Variants in CSMD1 observed in about 807,000 individuals in gnomAD.
The protein encoded by CSMD1 is CUB and Sushi multiple domains 1.
CSMD1 carries 213 observed loss-of-function variants against 417.5 expected under a neutral mutation model. The observed-to-expected ratio is 0.51, with a 90% CI of 0.46 to 0.57. The LOEUF (loss-of-function observed/expected upper bound fraction) is 0.57, where lower values mean the gene tolerates loss of function less well. Ranked by LOEUF, CSMD1 falls within the 20% of genes least tolerant of loss-of-function variation. CSMD1 has a pLI of 0.00. For missense variants in CSMD1, 6,923 were observed against 4,529.7 expected, an observed-to-expected ratio of 1.53 and a Z score of -15.17; for synonymous variants, 2,862 against 1,736.8, an observed-to-expected ratio of 1.65 and a Z score of -16.11.
intron 48 of CSMD1, among the ~76,000 whole-genome samples, chr8:3,090,252 G>A (rs1010832022): frequency 7.0e-6 from 1 of 142,834 alleles, no homozygotes; most frequent in Non-Finnish European, 1.5e-5. Context: ...GGGAGGCGGA[G>A]CTTGCAGTGA....
intron 10 of CSMD1, among the ~76,000 whole-genome samples, chr8:3,538,688 A>G (rs1043446340): frequency 6.6e-6 from 1 of 152,224 alleles, no homozygotes; most frequent in African/African-American, 2.4e-5. Flanking sequence ...GCAACGTGGC[A>G]TGGCCTGCCA....
chr8:3,892,723 T>TG (rs1807067154), intron 5 of CSMD1, among the ~76,000 whole-genome samples: 2 of 149,556 alleles, frequency 1.3e-5, no homozygotes, highest in African/African-American at 5.0e-5. Context: ...AGGTTTTTTT[T>TG]TTTTTTTTTT....
At chr8:3,423,747 C>T (rs1813645878) in intron 12 of CSMD1, among the ~76,000 whole-genome samples, 1 of 152,128 alleles carries the variant, frequency 6.6e-6, no homozygotes, top group African/African-American at 2.4e-5. Context: ...CTCGGGTGAA[C>T]ACTTAGGGGT....
rs117573133 is a variant in CSMD1, at chr8:3,188,849, C to G, written c.5523+38G>C. The G allele has an allele frequency of 6.2e-3, 9,124 of 1,461,914 alleles. 48 individuals carry two copies. The highest frequency in any genetic ancestry group is 7.7e-3 in the Non-Finnish European group (8,482 of 1,095,850). The allele number at this position is 1,461,914 out of a possible 1,614,324, so 90.6% of individuals were successfully genotyped here. A position where few individuals can be genotyped will look rare whatever the true frequency, so the allele number is the denominator to read the frequency against. ...AAAGAAAGAAGCCCATGGACCCCAG[C>G]TGAGCCCTGTTGTAGACTGTGGACT... On this transcript the variant is annotated intron_variant, in intron 35 of 69. Transcript: ENST00000635120.
intron 41 of CSMD1, among the ~76,000 whole-genome samples, chr8:3,133,599 G>T (rs369767734): frequency 2.8e-4 from 43 of 152,270 alleles, no homozygotes; most frequent in African/African-American, 9.9e-4. Flanking sequence ...CCTATGGCTG[G>T]GCTTTAGGGC....
rs547585020 is a variant in CSMD1 at position 4,382,544 on chromosome 8, A to G, written c.415+37409T>C. On this transcript the variant is annotated intron_variant, in intron 3 of 69. Coordinates refer to ENST00000635120, the MANE Select transcript of CSMD1 (RefSeq NM_033225.6). The stretch of plus-strand genomic sequence containing the variant: ...AACTGTATTGCAAAAAGGATTATAA[A>G]AAACCCTCTGAGTATAAGCATTCCT... Among the ~76,000 whole-genome samples, 9 of 152,352 alleles carry G rather than the reference A, an allele frequency of 5.9e-5. No individual in the cohort carries two copies. In the East Asian group the frequency reaches 9.6e-4, roughly 16 times the overall value.
intron 3 of CSMD1, among the ~76,000 whole-genome samples, chr8:4,080,542 T>G (rs1000100669): frequency 6.6e-6 from 1 of 152,184 alleles, no homozygotes; most frequent in Admixed American, 6.5e-5. Flanking sequence ...GTCCAACACA[T>G]AGGTTTCTCC....
chr8:3,244,907 G>C (rs1799781073), intron 26 of CSMD1, among the ~76,000 whole-genome samples: 1 of 152,148 alleles, frequency 6.6e-6, no homozygotes, highest in South Asian at 2.1e-4. Flanking sequence ...CCACCCCAAG[G>C]GCGCTGAGAA....
chr8:4,181,434 TG>T (rs1430500572), intron 3 of CSMD1, among the ~76,000 whole-genome samples: 1 of 152,004 alleles, frequency 6.6e-6, no homozygotes, highest in Non-Finnish European at 1.5e-5. Flanking sequence ...TGGGCAACAT[TG>T]GAAAAAGAAC....
intron 26 of CSMD1, among the ~76,000 whole-genome samples, chr8:3,276,696 A>G (rs963251171): frequency 6.6e-6 from 1 of 152,174 alleles, no homozygotes; most frequent in Admixed American, 6.5e-5. Context: ...AGGCTTTACT[A>G]TGAAAATTTT....
Position 2,937,818 on chromosome 8 carries a change from T to C in CSMD1, c.*767A>G, listed in dbSNP as rs568378657. ...CACTCCAACTAAGCTGATGGGGGAA[T>C]GTTTAGCTTGATAATATGAAATAAT... On this transcript the variant is annotated 3_prime_UTR_variant, in exon 70 of 70. Transcript: ENST00000635120. 7 of 152,694 alleles carry C rather than the reference T, an allele frequency of 4.6e-5. No homozygotes were observed. Among genetic ancestry groups the C allele is most frequent in the African/African-American group, 1.4e-4 (6 of 41,474 alleles). 9.5% of individuals were successfully genotyped at this position (152,694 alleles called of 1,614,324 possible).
At chr8:3,559,944 C>T (rs886289389) in intron 10 of CSMD1, among the ~76,000 whole-genome samples, 2 of 152,040 alleles carry the variant, frequency 1.3e-5, no homozygotes, top group Admixed American at 6.6e-5. Context: ...CTGGAGGTGA[C>T]AGAGGAGGAA....
At chr8:3,135,854 T>C (rs930112602) in intron 41 of CSMD1, among the ~76,000 whole-genome samples, 2 of 152,106 alleles carry the variant, frequency 1.3e-5, no homozygotes, top group East Asian at 3.9e-4. Flanking sequence ...CAGGGTCCTG[T>C]CCTTGCTGAG....
chr8:4,909,992 T>G (rs1805556567), intron 1 of CSMD1, among the ~76,000 whole-genome samples: 1 of 152,212 alleles, frequency 6.6e-6, no homozygotes, highest in African/African-American at 2.4e-5. Flanking sequence ...TTTCTAAACT[T>G]TATCAATGAT....
chr8:4,912,150 G>C (rs866211190), intron 1 of CSMD1, among the ~76,000 whole-genome samples: 1 of 80,308 alleles, frequency 1.2e-5, no homozygotes, highest in African/African-American at 3.9e-5. Context: ...AAGAAAGAAA[G>C]AAAAGAAAAG....
At chr8:4,732,406 A>T (rs1479835979) in intron 1 of CSMD1, among the ~76,000 whole-genome samples, 1 of 143,806 alleles carries the variant, frequency 7.0e-6, no homozygotes, top group African/African-American at 2.6e-5. Context: ...TGAGATTCTC[A>T]CTCTGGACAT....
At chr8:3,228,576 T>A (rs1563163032) in intron 27 of CSMD1, among the ~76,000 whole-genome samples, 1 of 152,218 alleles carries the variant, frequency 6.6e-6, no homozygotes, top group African/African-American at 2.4e-5. Flanking sequence ...CGTATTGGAC[T>A]ACCTAGTGGC....
In CSMD1 at chr8:3,082,305, G is replaced by C. The variant is rs139802906; in HGVS notation, c.7474+4792C>G. On this transcript the variant is annotated intron_variant, in intron 49 of 69. Transcript: ENST00000635120. ...CTCTTTTGCTCTTTAACGGAGTCTCGTCAAGCAAGGACAAAAGCTGAAAGC... is the reference window on the plus strand; with the variant it reads ...CTCTTTTGCTCTTTAACGGAGTCTCCTCAAGCAAGGACAAAAGCTGAAAGC... Among the ~76,000 whole-genome samples, 475 of 152,246 alleles carry C rather than the reference G, an allele frequency of 3.1e-3. 3 individuals carry two copies. Among genetic ancestry groups the C allele is most frequent in the African/African-American group, 0.011 (455 of 41,536 alleles).
In CSMD1 at chr8:4,022,995, C is replaced by T. The variant is rs1796866296; in HGVS notation, c.610+8910G>A. ...AAATAGCAGTATGGCAAAGATGGGACAGTCTTTTACCAAATCCGTGTTTTT... is the reference window on the plus strand; with the variant it reads ...AAATAGCAGTATGGCAAAGATGGGATAGTCTTTTACCAAATCCGTGTTTTT... On this transcript the variant is annotated intron_variant, in intron 4 of 69. Coordinates refer to ENST00000635120, the MANE Select transcript of CSMD1 (RefSeq NM_033225.6). Among the ~76,000 whole-genome samples the T allele has an allele frequency of 2.0e-5, 3 of 152,180 alleles. No individual in the cohort carries two copies. The South Asian group carries it at 6.2e-4, about 32-fold the overall frequency.
Sources: allele counts gnomAD v4.1 joint callset (sites outside exome capture counted in the v4.1 genomes callset), GRCh38; gene constraint gnomAD v4.1.1; transcripts MANE v1.5; gene names NCBI Gene and HGNC (gene_info 2026-07-23, HGNC 2026-07-21).